The following COL5A1 variants were observed in gnomAD, a reference collection of about 807,000 sequenced individuals.
COL5A1 encodes the protein collagen type V alpha 1 chain, also known as collagen alpha-1(V) chain.
Under a neutral mutation model 263.7 loss-of-function variants are expected in COL5A1, and 16 were observed. The ratio of observed to expected loss-of-function variants is 0.06; its 90% CI spans 0.04 to 0.09. The LOEUF (loss-of-function observed/expected upper bound fraction) is 0.09. Among genes scored for constraint, COL5A1 ranks in the 10% least tolerant of loss-of-function variants. The pLI is 1.00. For missense variants in COL5A1, 2,036 were observed against 2,540.5 expected (o/e 0.80, Z 4.27); for synonymous variants, 1,012 against 1,004.5 (o/e 1.01, Z -0.14).
In COL5A1 at chr9:134,784,798, C is replaced by T. The variant is rs7855838; in HGVS notation, c.2485-191C>T. On this transcript the variant is annotated intron_variant, in intron 29 of 65. Coordinates refer to ENST00000371817, the MANE Select transcript of COL5A1 (RefSeq NM_000093.5). ...CAGAGCCCGGGAGCCCGGGAATTCG[C>T]GGTACAATGCGCTCGCTTTGTCAGT... Among the ~76,000 whole-genome samples the T allele has an allele frequency of 0.054, 8,287 of 152,320 alleles. 254 individuals carry two copies. Among genetic ancestry groups the T allele is most frequent in the African/African-American group, 0.063 (2,610 of 41,566 alleles).
intron 65 of COL5A1, among the ~76,000 whole-genome samples, chr9:134,836,720 AC>A (rs1359735617): frequency 6.6e-6 from 1 of 152,096 alleles, no homozygotes; most frequent in Non-Finnish European, 1.5e-5. Context: ...CCTGGCCCTC[AC>A]CCATAGGACG....
intron 9 of COL5A1, among the ~76,000 whole-genome samples, chr9:134,733,675 A>T (rs556816768): frequency 3.8e-4 from 58 of 152,264 alleles, no homozygotes; most frequent in Middle Eastern, 3.4e-3. Flanking sequence ...TGTGGGGGAG[A>T]GTGACTGCCG....
At chr9:134,790,761 G>T (rs1837662572) in intron 32 of COL5A1, among the ~76,000 whole-genome samples, 1 of 151,338 alleles carries the variant, frequency 6.6e-6, no homozygotes, top group African/African-American at 2.4e-5. Flanking sequence ...GTGCCTTTGG[G>T]AATACACTGT....
At chr9:134,732,483 G>A (rs1834926980) in intron 9 of COL5A1, 1 of 449,284 alleles carries the variant, frequency 2.2e-6, no homozygotes, top group Non-Finnish European at 4.1e-6. Context: ...GTGGAGGAGA[G>A]GATGTAAATG....
intron 16 of COL5A1, among the ~76,000 whole-genome samples, chr9:134,756,447 A>G (rs1264478483): frequency 6.6e-6 from 1 of 152,212 alleles, no homozygotes; most frequent in African/African-American, 2.4e-5. Context: ...CAGCTCCTCC[A>G]GCCGGGTCTC....
chr9:134,724,765 G>A (rs999720169), intron 4 of COL5A1, among the ~76,000 whole-genome samples: 20 of 152,152 alleles, frequency 1.3e-4, no homozygotes, highest in African/African-American at 2.9e-4. Flanking sequence ...TCTTCAAGGC[G>A]GAGACAAAGC....
intron 37 of COL5A1, among the ~76,000 whole-genome samples, chr9:134,798,690 C>T (rs1838005673): frequency 6.6e-6 from 1 of 152,214 alleles, no homozygotes; most frequent in Non-Finnish European, 1.5e-5. Flanking sequence ...CTTATGGCAT[C>T]TGTGGGCAGA....
At position 134,811,660 on chromosome 9, in the gene COL5A1, T is replaced by C. The variant is rs955521422; in HGVS notation, c.3690+61T>C. ...GCTTCTGACGCCCCCTGTGTCTTCA[T>C]TGTGCTCTCTCCTCTTGTCTTTTTA... On this transcript the variant is annotated intron_variant, in intron 46 of 65. Coordinates refer to ENST00000371817, the MANE Select transcript of COL5A1 (RefSeq NM_000093.5). The C allele has an allele frequency of 2.0e-5, 26 of 1,321,816 alleles. No individual in the cohort carries two copies. The South Asian group carries it at 3.1e-4, about 16-fold the overall frequency. 81.9% of individuals were successfully genotyped at this position (1,321,816 alleles called of 1,614,324 possible).
intron 65 of COL5A1, among the ~76,000 whole-genome samples, chr9:134,839,194 G>A (rs1839942023): frequency 1.3e-5 from 2 of 152,228 alleles, no homozygotes; most frequent in Non-Finnish European, 2.9e-5. Context: ...CCAGTGGAGA[G>A]GCACAAATCA....
At chr9:134,768,372 G>A (rs375925722) in intron 24 of COL5A1, 38 bp from the exon 25 acceptor site, 75 of 1,588,324 alleles carry the variant, frequency 4.7e-5, no homozygotes, top group Admixed American at 6.7e-5. Flanking sequence ...GTGAGCCTAG[G>A]GAGGGCATCT....
intron 1 of COL5A1, among the ~76,000 whole-genome samples, chr9:134,685,374 C>CCT (rs1833008039): frequency 2.2e-5 from 1 of 45,942 alleles, no homozygotes; most frequent in African/African-American, 9.4e-5. Flanking sequence ...CATCCATTCA[C>CCT]CCATCCATTC....
intron 19 of COL5A1, 102 bp downstream of exon 19, chr9:134,762,080 G>T (rs944609086): frequency 2.4e-6 from 3 of 1,236,938 alleles, no homozygotes; most frequent in South Asian, 1.2e-5. Context: ...GGATTGGCCT[G>T]CCGCATGTGG....
At chr9:134,701,508 C>A (rs920036567) in intron 4 of COL5A1, among the ~76,000 whole-genome samples, 175 bp downstream of exon 4, 134 of 152,314 alleles carry the variant, frequency 8.8e-4, no homozygotes, top group African/African-American at 2.8e-3. Context: ...TTGTGGCTTT[C>A]GGAAATGGAG....
Position 134,730,406 on chromosome 9 carries a change from C to G in COL5A1, c.1095C>G (p.Asp365Glu), listed in dbSNP as rs1834837846. 1 of 1,614,220 alleles carries G rather than the reference C, an allele frequency of 6.2e-7. No individual in the cohort carries two copies. Among genetic ancestry groups the G allele is most frequent in the Non-Finnish European group, 8.5e-7 (1 of 1,180,040 alleles). The part of the protein sequence containing the change: ...LTYGEGEENP[D>E]QPTDPGAGAE... ...ATGGCGAGGGGGAGGAGAACCCCGA[C>G]CAGCCCACAGACCCAGGCGCTGGGG... Residue 365 changes from aspartate (D) to glutamate (E), a missense_variant, in exon 7 of 66, where the codon GAC (aspartate) becomes GAG (glutamate). Asp to Glu is a conservative substitution (Grantham distance 45, BLOSUM62 2). Transcript: ENST00000371817.
chr9:134,797,362 T>C (rs1381677767), intron 36 of COL5A1, among the ~76,000 whole-genome samples: 1 of 152,152 alleles, frequency 6.6e-6, no homozygotes, highest in Non-Finnish European at 1.5e-5. Flanking sequence ...GTACCAGGCC[T>C]CTCCCGGGGG....
chr9:134,820,998 G>T (rs1162558734), intron 58 of COL5A1, among the ~76,000 whole-genome samples: 2 of 152,190 alleles, frequency 1.3e-5, no homozygotes, highest in East Asian at 3.9e-4. Context: ...TGGGAGTAAG[G>T]TGGCACCCTC....
rs372245166 is a variant in COL5A1, at chr9:134,811,269, C to T, written c.3529-70C>T. On this transcript the variant is annotated intron_variant, in intron 44 of 65. Coordinates refer to ENST00000371817, the MANE Select transcript of COL5A1 (RefSeq NM_000093.5). ...TGCATCAGTCCCCGGGCTCAGGATG[C>T]GGTCCACCCCTCCCTCAGCCTTATC... 69 of 1,414,566 alleles carry T rather than the reference C, an allele frequency of 4.9e-5. No individual in the cohort carries two copies. The African/African-American group carries it at 7.0e-4, about 14-fold the overall frequency. 87.6% of individuals were successfully genotyped at this position (1,414,566 alleles called of 1,614,324 possible).
rs1301410433 is a variant in COL5A1 at position 134,841,937 on chromosome 9, C to T, written c.5371-220C>T. Among the ~76,000 whole-genome samples the T allele has an allele frequency of 4.6e-5, 7 of 152,176 alleles. No homozygotes were observed. In the South Asian group the frequency reaches 1.5e-3, roughly 32 times the overall value. Reference sequence around the variant, plus strand: ...CGCTGATGCCCACACCACCCCACCTCCGACCTGTGCAGGGGGACTCTTGGG... The same window carrying T: ...CGCTGATGCCCACACCACCCCACCTTCGACCTGTGCAGGGGGACTCTTGGG... On this transcript the variant is annotated intron_variant, in intron 65 of 65. Coordinates refer to ENST00000371817, the MANE Select transcript of COL5A1 (RefSeq NM_000093.5). The surrounding 1 kb of genome is among the most constrained non-coding windows in gnomAD (Gnocchi z 4.8).
chr9:134,721,853 C>G, intron 4 of COL5A1, among the ~76,000 whole-genome samples: 1 of 152,246 alleles, frequency 6.6e-6, no homozygotes, highest in South Asian at 2.1e-4. Flanking sequence ...AGCTCCTCCT[C>G]AACAGCCTTG....
Sources: allele counts gnomAD v4.1 joint callset (sites outside exome capture counted in the v4.1 genomes callset), GRCh38; gene constraint gnomAD v4.1.1; non-coding constraint Gnocchi (gnomAD v3.1); transcripts MANE v1.5; gene names NCBI Gene and HGNC (gene_info 2026-07-23, HGNC 2026-07-21).